The following ADGRB3 variants were observed in gnomAD, a reference collection of about 807,000 sequenced individuals.
The protein encoded by ADGRB3 is brain-specific angiogenesis inhibitor 3.
A neutral mutation model predicts 193.4 loss-of-function variants in ADGRB3; 37 were observed. The ratio of observed to expected loss-of-function variants is 0.19; its 90% CI spans 0.15 to 0.25. The LOEUF is 0.25. Ranked by LOEUF, ADGRB3 falls within the 10% of genes least tolerant of loss-of-function variation. The pLI, the probability that ADGRB3 is intolerant of heterozygous loss-of-function variation, is 1.00. For synonymous variants in ADGRB3, 690 were observed against 644.2 expected, an observed-to-expected ratio of 1.07 and a Z score of -1.08; for missense variants, 1,637 against 1,852.9, an observed-to-expected ratio of 0.88 and a Z score of 2.14.
At chr6:69,037,981 A>T (rs1562131812) in intron 13 of ADGRB3, among the ~76,000 whole-genome samples, 1 of 152,108 alleles carries the variant, frequency 6.6e-6, no homozygotes, top group Non-Finnish European at 1.5e-5. Context: ...CCAGTCCATG[A>T]GGATGGAGAC....
intron 20 of ADGRB3, among the ~76,000 whole-genome samples, chr6:69,254,997 G>T (rs958384272): frequency 6.6e-6 from 1 of 151,274 alleles, no homozygotes; most frequent in African/African-American, 2.4e-5. Flanking sequence ...TGAGAATGAT[G>T]ATTTCCAATT....
chr6:68,680,003 G>A (rs117692473), intron 3 of ADGRB3, among the ~76,000 whole-genome samples: 5 of 152,194 alleles, frequency 3.3e-5, no homozygotes, highest in East Asian at 1.9e-4. Context: ...TGGGATTAGC[G>A]CCCTTACAAA....
At chr6:68,975,200 T>TA in intron 9 of ADGRB3, 34 bp from the exon 10 acceptor site, 1 of 1,567,556 alleles carries the variant, frequency 6.4e-7, no homozygotes, top group Non-Finnish European at 8.8e-7. Context: ...ACATCCCTAT[T>TA]ATAAAGCTTC....
At chr6:69,331,647 CA>C in intron 23 of ADGRB3, 1 of 985,308 alleles carries the variant, frequency 1.0e-6, no homozygotes, top group Non-Finnish European at 1.2e-6. Context: ...AACTATTAGA[CA>C]CCTTTTTTGT....
chr6:68,705,157 A>G (rs1442667048), intron 3 of ADGRB3, among the ~76,000 whole-genome samples: 1 of 152,122 alleles, frequency 6.6e-6, no homozygotes, highest in Non-Finnish European at 1.5e-5. Flanking sequence ...CCTCTAGCTC[A>G]TTACCCTAAA....
At chr6:68,963,844 T>G (rs541649493) in intron 8 of ADGRB3, among the ~76,000 whole-genome samples, 3 of 152,218 alleles carry the variant, frequency 2.0e-5, no homozygotes, top group South Asian at 2.1e-4. Context: ...TTATATAGTA[T>G]TATTATTATA....
intron 17 of ADGRB3, among the ~76,000 whole-genome samples, chr6:69,222,995 A>C (rs958114529): frequency 2.0e-5 from 3 of 152,088 alleles, no homozygotes; most frequent in African/African-American, 7.2e-5. Context: ...ATTTCATTTA[A>C]AAGTGCTTAC....
chr6:68,905,025 C>G (rs2150234685), intron 3 of ADGRB3, among the ~76,000 whole-genome samples: 1 of 152,276 alleles, frequency 6.6e-6, no homozygotes, highest in African/African-American at 2.4e-5. Flanking sequence ...ATGAATATGG[C>G]CACCGTGTGT....
chr6:69,173,509 A>C lies in ADGRB3; in HGVS notation c.2481-59781A>C, dbSNP rs555991366. 2.6e-5 allele frequency among the ~76,000 whole-genome samples: 4 copies of C among 152,340 alleles called. No homozygotes were observed. The East Asian group carries it at 7.7e-4, about 29-fold the overall frequency. On this transcript the variant is annotated intron_variant, in intron 17 of 31. Coordinates refer to ENST00000370598, the MANE Select transcript of ADGRB3 (RefSeq NM_001704.3). ...AGACAGGTGTAAGAAAATTATTTGC[A>C]GTAGTCTAAATGAGAAAGAATGGTA... is the stretch of plus-strand genomic sequence containing the variant.
intron 17 of ADGRB3, among the ~76,000 whole-genome samples, chr6:69,185,086 G>A (rs909022496): frequency 1.3e-5 from 2 of 151,944 alleles, no homozygotes; most frequent in African/African-American, 4.8e-5. Context: ...TTCTAAACTA[G>A]GATTAGCCTT....
At chr6:68,652,425 G>T (rs1468581789) in intron 3 of ADGRB3, among the ~76,000 whole-genome samples, 1 of 152,084 alleles carries the variant, frequency 6.6e-6, no homozygotes, top group Non-Finnish European at 1.5e-5. Context: ...TCTGTCTGGA[G>T]CGAGTTTGTC....
intron 13 of ADGRB3, among the ~76,000 whole-genome samples, chr6:69,027,315 A>T (rs934127049): frequency 6.6e-6 from 1 of 152,032 alleles, no homozygotes; most frequent in African/African-American, 2.4e-5. Context: ...TCCCCTTCAG[A>T]TCATGTCCAC....
chr6:68,671,356 GT>G (rs1768954794), intron 3 of ADGRB3, among the ~76,000 whole-genome samples: 1 of 151,904 alleles, frequency 6.6e-6, no homozygotes, highest in Non-Finnish European at 1.5e-5. Flanking sequence ...AAGGCTTTCA[GT>G]TTTTCCCCAT....
intron 3 of ADGRB3, among the ~76,000 whole-genome samples, chr6:68,663,480 G>T (rs1459329983): frequency 6.6e-6 from 1 of 151,546 alleles, no homozygotes; most frequent in African/African-American, 2.4e-5. Context: ...TTGAATTTAT[G>T]CAACCAATTT....
intron 6 of ADGRB3, 59 bp from the exon 7 acceptor site, chr6:68,955,965 C>T: frequency 6.4e-7 from 1 of 1,562,194 alleles, no homozygotes; most frequent in Admixed American, 1.8e-5. Flanking sequence ...CAGGTACTTT[C>T]TGTACAGCTT....
Position 68,956,381 on chromosome 6 carries a change from G to T in ADGRB3, c.1360+193G>T, listed in dbSNP as rs527342618. Among the ~76,000 whole-genome samples the T allele has an allele frequency of 9.2e-5, 14 of 151,946 alleles. No homozygotes were observed. The South Asian group carries it at 2.5e-3, about 27-fold the overall frequency. On this transcript the variant is annotated intron_variant, in intron 7 of 31. Transcript: ENST00000370598. Reference sequence around the variant, plus strand: ...TATACCAGAATTTATTCTAATGTATGCCATGCTAATAAAGTAATAAAATTC... The same window carrying T: ...TATACCAGAATTTATTCTAATGTATTCCATGCTAATAAAGTAATAAAATTC...
At chr6:69,230,070 T>C (rs987192029) in intron 17 of ADGRB3, among the ~76,000 whole-genome samples, 1 of 152,170 alleles carries the variant, frequency 6.6e-6, no homozygotes, top group African/African-American at 2.4e-5. Flanking sequence ...AAGAATGGGT[T>C]GTATGGAATT....
At chr6:69,042,171 T>G (rs966461447) in intron 13 of ADGRB3, among the ~76,000 whole-genome samples, 20 of 152,248 alleles carry the variant, frequency 1.3e-4, no homozygotes, top group Non-Finnish European at 1.6e-4. Flanking sequence ...CTTTCTGCCA[T>G]GATTGTAAGT....
At chr6:68,918,746 G>T (rs2150241130) in intron 3 of ADGRB3, among the ~76,000 whole-genome samples, 1 of 152,070 alleles carries the variant, frequency 6.6e-6, no homozygotes, top group Admixed American at 6.6e-5. Flanking sequence ...TCCTTCTGGG[G>T]CTATTTTCTT....
Sources: gnomAD v4.1 joint callset for allele counts (sites outside exome capture counted in the v4.1 genomes callset) on GRCh38, gnomAD v4.1.1 for gene constraint, MANE v1.5 for transcripts, NCBI Gene and HGNC (gene_info 2026-07-23, HGNC 2026-07-21) for gene names.